Variants in TSPAN12 observed in about 807,000 individuals in gnomAD.
The protein encoded by TSPAN12 is tetraspanin-12.
A neutral mutation model predicts 39.2 loss-of-function variants in TSPAN12; 19 were observed. The observed-to-expected ratio is 0.49, with a 90% CI of 0.34 to 0.71. TSPAN12 has a LOEUF of 0.71. Among genes scored for constraint, TSPAN12 ranks in the 30% least tolerant of loss-of-function variants. The pLI, the probability that TSPAN12 is intolerant of heterozygous loss-of-function variation, is 0.01. For missense variants in TSPAN12, 314 were observed against 359.9 expected, an observed-to-expected ratio of 0.87 and a Z score of 1.03; for synonymous variants, 119 against 124.8, an observed-to-expected ratio of 0.95 and a Z score of 0.31.
intron 4 of TSPAN12, among the ~76,000 whole-genome samples, chr7:120,828,899 A>C (rs1794338903): frequency 6.6e-6 from 1 of 152,118 alleles, no homozygotes; most frequent in African/African-American, 2.4e-5. Context: ...AATTATTTTT[A>C]AGTTGCTATC....
At chr7:120,791,385 G>A (rs888554133) in intron 7 of TSPAN12, among the ~76,000 whole-genome samples, 4 of 151,616 alleles carry the variant, frequency 2.6e-5, no homozygotes, top group African/African-American at 4.8e-5. Context: ...TCAGTTAGGA[G>A]GAATAAGTTC....
At chr7:120,814,098 G>A in intron 5 of TSPAN12, 1 of 427,718 alleles carries the variant, frequency 2.3e-6, no homozygotes. Flanking sequence ...ATTGGAGTGT[G>A]CAGAGTAGCC....
intron 2 of TSPAN12, among the ~76,000 whole-genome samples, chr7:120,842,196 G>T (rs1186776076): frequency 6.6e-6 from 1 of 152,176 alleles, no homozygotes; most frequent in East Asian, 1.9e-4. Flanking sequence ...CTGCATGAAA[G>T]CTCCAAGGTA....
intron 2 of TSPAN12, among the ~76,000 whole-genome samples, chr7:120,846,015 A>G (rs1794661938): frequency 6.6e-6 from 1 of 152,218 alleles, no homozygotes; most frequent in Non-Finnish European, 1.5e-5. Flanking sequence ...CAGGATGTAC[A>G]GGAAGCATGG....
chr7:120,846,161 T>C (rs1794665077), intron 2 of TSPAN12, among the ~76,000 whole-genome samples: 2 of 152,106 alleles, frequency 1.3e-5, no homozygotes, highest in Admixed American at 1.3e-4. Context: ...GAGAACTCAC[T>C]CTCTACCATG....
chr7:120,819,897 C>CA (rs1232415050), intron 4 of TSPAN12, among the ~76,000 whole-genome samples: 1 of 152,100 alleles, frequency 6.6e-6, no homozygotes, highest in Non-Finnish European at 1.5e-5. Context: ...ATCTATAAAG[C>CA]ATGATGCTAA....
Position 120,788,771 on chromosome 7 carries a change from C to T in TSPAN12, c.739G>A (p.Ala247Thr), listed in dbSNP as rs769385281. 2 of 1,614,072 alleles carry T rather than the reference C, an allele frequency of 1.2e-6. No individual in the cohort carries two copies. The highest frequency in any genetic ancestry group is 1.1e-5 in the South Asian group (1 of 91,078). The stretch of plus-strand genomic sequence containing the variant: ...GGCTCCCTTCTATCATAATACAGAG[C>T]CCAGAGCAGAGTAATGGTGAGAATC... ...AMILTITLLW[A>T]LYYDRREPGT... The change falls in exon 8 of 8, where the codon GCT becomes ACT. Residue 247 changes from alanine (A) to threonine (T), a missense_variant. Physicochemically the swap from Ala to Thr is moderately conservative, Grantham distance 58 (BLOSUM62 0). Transcript: ENST00000222747.
intron 7 of TSPAN12, among the ~76,000 whole-genome samples, chr7:120,799,993 A>G (rs1231954610): frequency 6.6e-6 from 1 of 150,778 alleles, no homozygotes; most frequent in African/African-American, 2.4e-5. Flanking sequence ...AAACAAACAG[A>G]CATACTGTAT....
chr7:120,814,586 G>A lies in TSPAN12; in HGVS notation c.360+1143C>T, dbSNP rs751723576. Among the ~76,000 whole-genome samples, 3 of 152,144 alleles carry A rather than the reference G, an allele frequency of 2.0e-5. No individual in the cohort carries two copies. The South Asian group carries it at 6.2e-4, about 32-fold the overall frequency. ...CATTCACAGACATGCAAAAGTGTTC[G>A]ACATCACATCACTAGCAGTAAATGC... is the stretch of plus-strand genomic sequence containing the variant. On this transcript the variant is annotated intron_variant, in intron 5 of 7. Coordinates refer to ENST00000222747, the MANE Select transcript of TSPAN12 (RefSeq NM_012338.4).
At chr7:120,831,365 T>C (rs1305994384) in intron 4 of TSPAN12, among the ~76,000 whole-genome samples, 3 of 152,058 alleles carry the variant, frequency 2.0e-5, no homozygotes, top group Non-Finnish European at 4.4e-5. Flanking sequence ...CCAGCATTAT[T>C]CACAATAGTC....
chr7:120,817,433 G>A (rs1189287646), intron 4 of TSPAN12, among the ~76,000 whole-genome samples: 1 of 151,570 alleles, frequency 6.6e-6, no homozygotes, highest in East Asian at 1.9e-4. Flanking sequence ...GCCGAGGGTG[G>A]AATTGAAAAC....
intron 7 of TSPAN12, among the ~76,000 whole-genome samples, chr7:120,802,989 G>A (rs1275350923): frequency 6.6e-6 from 1 of 152,134 alleles, no homozygotes; most frequent in Non-Finnish European, 1.5e-5. Context: ...CAGGAAAAAA[G>A]CCAGTTTTTA....
At chr7:120,847,743 A>C (rs912477304) in intron 2 of TSPAN12, among the ~76,000 whole-genome samples, 1 of 152,184 alleles carries the variant, frequency 6.6e-6, no homozygotes, top group African/African-American at 2.4e-5. Context: ...TAATTACTTT[A>C]TAATAGAACT....
At chr7:120,837,070 A>T (rs1794490751) in intron 4 of TSPAN12, among the ~76,000 whole-genome samples, 1 of 152,170 alleles carries the variant, frequency 6.6e-6, no homozygotes, top group Non-Finnish European at 1.5e-5. Context: ...ACTGCGTTTT[A>T]AAAAAGAATT....
At chr7:120,823,349 G>C (rs777776131) in intron 4 of TSPAN12, among the ~76,000 whole-genome samples, 1 of 151,648 alleles carries the variant, frequency 6.6e-6, no homozygotes, top group Non-Finnish European at 1.5e-5. Context: ...ACTATATAAA[G>C]AAAAAACTTA....
At chr7:120,856,265 G>A (rs1003277891) in intron 2 of TSPAN12, among the ~76,000 whole-genome samples, 6 of 151,602 alleles carry the variant, frequency 4.0e-5, no homozygotes, top group South Asian at 2.1e-4. Flanking sequence ...CCTCCCCCTC[G>A]TCCCCGCCCA....
intron 7 of TSPAN12, among the ~76,000 whole-genome samples, chr7:120,800,755 T>TTG (rs1584926046): frequency 7.1e-6 from 1 of 141,120 alleles, no homozygotes; most frequent in East Asian, 2.2e-4. Flanking sequence ...TTTTTTTTTG[T>TTG]TTTTTTTTTT....
At chr7:120,845,132 A>G (rs1326705422) in intron 2 of TSPAN12, among the ~76,000 whole-genome samples, 1 of 152,174 alleles carries the variant, frequency 6.6e-6, no homozygotes, top group Non-Finnish European at 1.5e-5. Context: ...CCTTTAAGCC[A>G]CAGCTGGAGC....
At position 120,800,753 on chromosome 7, in the gene TSPAN12, TG is replaced by T. The variant is rs781359253; in HGVS notation, c.612+5795del. Among the ~76,000 whole-genome samples the T allele has an allele frequency of 3.7e-4, 53 of 144,650 alleles. 5 individuals carry two copies. The highest frequency in any genetic ancestry group is 1.3e-3 in the African/African-American group (51 of 39,472). 94.9% of individuals were successfully genotyped at this position (144,650 alleles called of 152,430 possible). A position where few individuals can be genotyped will look rare whatever the true frequency, so the allele number is the denominator to read the frequency against. Reference sequence around the variant, plus strand: ...TAAAGTTTTCCTTATCGTTTTTTTTTGTTTTTTTTTTTTGAGACAGAGTCTC... The same window carrying T: ...TAAAGTTTTCCTTATCGTTTTTTTTTTTTTTTTTTTTTGAGACAGAGTCTC... On this transcript the variant is annotated intron_variant, in intron 7 of 7. Transcript: ENST00000222747.
Sources: allele counts gnomAD v4.1 joint callset (sites outside exome capture counted in the v4.1 genomes callset), GRCh38; gene constraint gnomAD v4.1.1; transcripts MANE v1.5; gene names NCBI Gene and HGNC (gene_info 2026-07-23, HGNC 2026-07-21).